Variants in ATP2C2 observed in about 807,000 individuals in gnomAD.
ATP2C2 encodes calcium-transporting ATPase type 2C member 2.
A neutral mutation model predicts 110.8 loss-of-function variants in ATP2C2; 171 were observed. The ratio of observed to expected loss-of-function variants is 1.54; its 90% CI spans 1.36 to 1.75. The LOEUF is 1.75. Among genes scored for constraint, ATP2C2 ranks in the 40% most tolerant of loss-of-function variants. The pLI is 0.00. For synonymous variants in ATP2C2, 804 were observed against 508.4 expected (o/e 1.58, Z -7.82); for missense variants, 1,963 against 1,235.0 (o/e 1.59, Z -8.84).
chr16:84,419,208 T>TAA (rs59552270), intron 7 of ATP2C2, among the ~76,000 whole-genome samples: 6,162 of 47,416 alleles, frequency 0.13, 902 homozygotes, highest in Non-Finnish European at 0.16. Context: ...ACCCCATCTT[T>TAA]AAAAAAAAAA....
chr16:84,436,214 C>T (rs1183606537), intron 11 of ATP2C2, among the ~76,000 whole-genome samples: 3 of 152,188 alleles, frequency 2.0e-5, no homozygotes, highest in African/African-American at 4.8e-5. Context: ...TTGTTGCCAA[C>T]GTTTAAAAAT....
Position 84,454,900 on chromosome 16 carries a change from G to C in ATP2C2, c.2063G>C (p.Gly688Ala). The C allele has an allele frequency of 1.2e-6, 2 of 1,614,038 alleles. No homozygotes were observed. The highest frequency in any genetic ancestry group is 1.7e-6 in the Non-Finnish European group (2 of 1,179,974). ...GTGGCCCTGAAGTCTGCAGACATTGGGATCGCCATGGGGCAGACAGGGACG... is the reference window on the plus strand; with the variant it reads ...GTGGCCCTGAAGTCTGCAGACATTGCGATCGCCATGGGGCAGACAGGGACG... ...DAVALKSADI[G>A]IAMGQTGTDV... The change falls in exon 21 of 27, where the codon GGG becomes GCG. Residue 688 changes from glycine to alanine, a missense_variant. By Grantham distance (60) the Gly-to-Ala change is moderately conservative. Coordinates refer to ENST00000262429, the MANE Select transcript of ATP2C2 (RefSeq NM_014861.4).
In ATP2C2 at chr16:84,396,179, T is replaced by C. The variant is rs1435751354; in HGVS notation, c.100-2320T>C. Reference sequence around the variant, plus strand: ...CACATTGAAGGTAATTGGGCTCTTATCCTGAGAGCACTGGAATCTCTGCAA... The same window carrying C: ...CACATTGAAGGTAATTGGGCTCTTACCCTGAGAGCACTGGAATCTCTGCAA... On this transcript the variant is annotated intron_variant, in intron 1 of 26. Transcript: ENST00000262429. Among the ~76,000 whole-genome samples the C allele has an allele frequency of 3.3e-5, 5 of 152,086 alleles. No homozygotes were observed. In the East Asian group the frequency reaches 5.8e-4, roughly 18 times the overall value.
In ATP2C2 at chr16:84,463,997, T is replaced by C; in HGVS notation, c.*265T>C. The C allele has an allele frequency of 2.7e-6, 1 of 370,998 alleles. No homozygotes were observed. The highest frequency in any genetic ancestry group is 4.2e-5 in the Admixed American group (1 of 23,916). The allele number at this position is 370,998 out of a possible 1,614,324, so 23.0% of individuals were successfully genotyped here. ...CTGTTTATTAAATCACAATGATTTT[T>C]ATTAACCATGTCTAACTACGTATCT... On this transcript the variant is annotated 3_prime_UTR_variant, in exon 27 of 27. Coordinates refer to ENST00000262429, the MANE Select transcript of ATP2C2 (RefSeq NM_014861.4).
chr16:84,421,854 G>A (rs539757627), intron 7 of ATP2C2, among the ~76,000 whole-genome samples: 1 of 152,312 alleles, frequency 6.6e-6, no homozygotes, highest in Non-Finnish European at 1.5e-5. Flanking sequence ...AGCCTTGTGG[G>A]GAGCTGCGCA....
chr16:84,430,420 C>G (rs558287637), intron 11 of ATP2C2, among the ~76,000 whole-genome samples: 1 of 151,920 alleles, frequency 6.6e-6, no homozygotes, highest in African/African-American at 2.4e-5. Context: ...GCAGACGGAT[C>G]ACTTGAGGTT....
At chr16:84,383,787 GTTTTTTT>G (rs58587781) in intron 1 of ATP2C2, among the ~76,000 whole-genome samples, 15 of 100,838 alleles carry the variant, frequency 1.5e-4, no homozygotes, top group African/African-American at 5.1e-4. Flanking sequence ...GGTTTTGTTG[GTTTTTTT>G]TTTTTTTTTT....
chr16:84,453,473 G>C lies in ATP2C2; in HGVS notation c.1980+102G>C, dbSNP rs541728921. 20 of 1,475,616 alleles carry C rather than the reference G, an allele frequency of 1.4e-5. No homozygotes were observed. The African/African-American group carries it at 1.9e-4, about 14-fold the overall frequency. 91.4% of individuals were successfully genotyped at this position (1,475,616 alleles called of 1,614,324 possible). ...TCCGTCGGGTGACAGTGCAGGGCCC[G>C]ACCGTGGCTTCCTTCTCTAGGTCCA... is the stretch of plus-strand genomic sequence containing the variant. On this transcript the variant is annotated intron_variant, in intron 20 of 26. Coordinates refer to ENST00000262429, the MANE Select transcript of ATP2C2 (RefSeq NM_014861.4).
Position 84,448,798 on chromosome 16 carries a change from C to T in ATP2C2, c.1660+109C>T. 12 of 1,432,482 alleles carry T rather than the reference C, an allele frequency of 8.4e-6. No homozygotes were observed. In the South Asian group the frequency reaches 1.7e-4, roughly 20 times the overall value. The allele number at this position is 1,432,482 out of a possible 1,614,324, so 88.7% of individuals were successfully genotyped here. A position where few individuals can be genotyped will look rare whatever the true frequency, so the allele number is the denominator to read the frequency against. ...AAGGAGGTCACCCGTCCCAAGGAGT[C>T]AGGCAGCATGCTGACGGCAATAATG... On this transcript the variant is annotated intron_variant, in intron 17 of 26. Coordinates refer to ENST00000262429, the MANE Select transcript of ATP2C2 (RefSeq NM_014861.4).
intron 21 of ATP2C2, among the ~76,000 whole-genome samples, chr16:84,458,172 T>G (rs1224871043): frequency 4.4e-5 from 1 of 22,980 alleles, no homozygotes. Context: ...CCATAAAAAA[T>G]GATGAGTTCA....
intron 1 of ATP2C2, among the ~76,000 whole-genome samples, chr16:84,396,499 G>A (rs1567693866): frequency 6.8e-6 from 1 of 147,888 alleles, no homozygotes; most frequent in Non-Finnish European, 1.5e-5. Flanking sequence ...GTAGTGAGCC[G>A]AGGTCGCACC....
intron 7 of ATP2C2, among the ~76,000 whole-genome samples, chr16:84,417,393 C>G (rs1449593731): frequency 6.6e-6 from 1 of 152,196 alleles, no homozygotes; most frequent in Non-Finnish European, 1.5e-5. Context: ...TTCCATTTCA[C>G]AGGGTTATTG....
intron 11 of ATP2C2, among the ~76,000 whole-genome samples, chr16:84,426,342 G>T (rs373362836): frequency 2.6e-5 from 4 of 152,076 alleles, no homozygotes; most frequent in Admixed American, 1.3e-4. Flanking sequence ...CATTCATGAG[G>T]GATCCACCCC....
At chr16:84,407,718 C>G (rs1427062038) in intron 3 of ATP2C2, among the ~76,000 whole-genome samples, 1 of 152,106 alleles carries the variant, frequency 6.6e-6, no homozygotes, top group Non-Finnish European at 1.5e-5. Context: ...GCAGTCCTCC[C>G]ATTTCTGCCT....
chr16:84,446,510 A>G lies in ATP2C2; in HGVS notation c.1503+80A>G, dbSNP rs1164666978. The G allele has an allele frequency of 1.1e-5, 11 of 1,025,674 alleles. No homozygotes were observed. The East Asian group carries it at 1.6e-4, about 15-fold the overall frequency. The allele number at this position is 1,025,674 out of a possible 1,614,324, so 63.5% of individuals were successfully genotyped here. A position where few individuals can be genotyped will look rare whatever the true frequency, so the allele number is the denominator to read the frequency against. On this transcript the variant is annotated intron_variant, in intron 16 of 26. Coordinates refer to ENST00000262429, the MANE Select transcript of ATP2C2 (RefSeq NM_014861.4). ...GAGATAAAGCAAAATGCAGACTTCA[A>G]GGATAATTTGAAAGTTCCTGGCTGC...
At chr16:84,381,724 G>A (rs901877431) in intron 1 of ATP2C2, among the ~76,000 whole-genome samples, 1 of 152,198 alleles carries the variant, frequency 6.6e-6, no homozygotes, top group African/African-American at 2.4e-5. Flanking sequence ...CAATGGCGGT[G>A]TAGGCATTCG....
chr16:84,392,373 C>T (rs1281040512), intron 1 of ATP2C2, among the ~76,000 whole-genome samples: 7 of 152,152 alleles, frequency 4.6e-5, no homozygotes, highest in African/African-American at 1.2e-4. Flanking sequence ...CACTGCTTCA[C>T]GCTGGTTTAT....
At chr16:84,401,412 C>G (rs1170255616) in intron 2 of ATP2C2, among the ~76,000 whole-genome samples, 1 of 151,840 alleles carries the variant, frequency 6.6e-6, no homozygotes, top group East Asian at 1.9e-4. Context: ...CTTGGTAGAG[C>G]TGGGGTTTTG....
Position 84,448,675 on chromosome 16 carries a change from C to G in ATP2C2, c.1646C>G (p.Ser549Trp), listed in dbSNP as rs758964577. 3.1e-6 allele frequency: 5 copies of G among 1,612,530 alleles called. No individual in the cohort carries two copies. Among genetic ancestry groups the G allele is most frequent in the South Asian group, 1.1e-5 (1 of 90,870 alleles). Residue 549 changes from serine (S) to tryptophan (W), a missense_variant, in exon 17 of 27, where the codon TCG becomes TGG. Coordinates refer to ENST00000262429, the MANE Select transcript of ATP2C2 (RefSeq NM_014861.4). ...CTGCAGGAAGAGAAGAGGATGGGGT[C>G]GCTCGGTTTGCGGGGTCAGTGCCTG... ...FCLQEEKRMG[S>W]LGLRVLALAS...
Sources: allele counts gnomAD v4.1 joint callset (sites outside exome capture counted in the v4.1 genomes callset), GRCh38; gene constraint gnomAD v4.1.1; transcripts MANE v1.5; gene names NCBI Gene and HGNC (gene_info 2026-07-23, HGNC 2026-07-21).